DGKH: variants seen among roughly 807,000 people sequenced by gnomAD.
The protein encoded by DGKH is diacylglycerol kinase eta, also known as DAG kinase eta.
DGKH carries 90 observed loss-of-function variants against 159.3 expected under a neutral mutation model. The ratio of observed to expected loss-of-function variants is 0.57; its 90% CI spans 0.48 to 0.67. DGKH has a LOEUF of 0.67. Among genes scored for constraint, DGKH ranks in the 30% least tolerant of loss-of-function variants. DGKH has a pLI of 0.00. For missense variants in DGKH, 1,181 were observed against 1,506.1 expected, an observed-to-expected ratio of 0.78 and a Z score of 3.57; for synonymous variants, 536 against 553.8, an observed-to-expected ratio of 0.97 and a Z score of 0.45.
chr13:42,131,671 T>C (rs1028145271), intron 3 of DGKH, among the ~76,000 whole-genome samples: 4 of 152,202 alleles, frequency 2.6e-5, no homozygotes, highest in Non-Finnish European at 5.9e-5. Flanking sequence ...TTTAGTAATG[T>C]TGTTACTCGC....
downstream of DGKH, among the ~76,000 whole-genome samples, chr13:42,245,550 A>G (rs553835195): frequency 6.6e-6 from 1 of 152,282 alleles, no homozygotes; most frequent in East Asian, 1.9e-4. Context: ...TAAGTTGGTT[A>G]TCCACACCCT....
chr13:42,220,253 A>G (rs1042318094), intron 28 of DGKH, among the ~76,000 whole-genome samples: 1 of 152,122 alleles, frequency 6.6e-6, no homozygotes, highest in African/African-American at 2.4e-5. Context: ...TGCCGATTAC[A>G]TTTTCCACCT....
intron 13 of DGKH, among the ~76,000 whole-genome samples, chr13:42,182,735 T>G (rs1956804027): frequency 1.3e-5 from 2 of 152,044 alleles, no homozygotes; most frequent in South Asian, 4.1e-4. Context: ...TAACTGTATG[T>G]GTGTGTGTGT....
intron 5 of DGKH, among the ~76,000 whole-genome samples, chr13:42,157,844 C>T (rs1421787851): frequency 6.6e-6 from 1 of 152,176 alleles, no homozygotes; most frequent in Non-Finnish European, 1.5e-5. Flanking sequence ...CAACCTCTGC[C>T]TTCCTGGGCT....
intron 16 of DGKH, among the ~76,000 whole-genome samples, chr13:42,192,562 C>T (rs1279256221): frequency 2.1e-5 from 3 of 143,630 alleles, no homozygotes; most frequent in Non-Finnish European, 4.5e-5. Flanking sequence ...CTCCTCCCTT[C>T]CTCCTCCTCC....
At chr13:42,047,173 T>G (rs1200926952), upstream of DGKH, among the ~76,000 whole-genome samples, 2 of 152,260 alleles carry the variant, frequency 1.3e-5, no homozygotes, top group East Asian at 3.8e-4. Flanking sequence ...AGCAGTCTCC[T>G]GTCTTTAAAT....
intron 1 of DGKH, among the ~76,000 whole-genome samples, chr13:42,073,337 T>C (rs534495631): frequency 6.6e-6 from 1 of 152,298 alleles, no homozygotes; most frequent in African/African-American, 2.4e-5. Flanking sequence ...TTTCTTATAG[T>C]GGGGGAGACA....
intron 1 of DGKH, among the ~76,000 whole-genome samples, chr13:42,105,580 G>A (rs1039791015): frequency 6.6e-6 from 1 of 152,134 alleles, no homozygotes; most frequent in Admixed American, 6.5e-5. Context: ...CTTTGATGTG[G>A]ACTTCTGCTT....
intron 21 of DGKH, among the ~76,000 whole-genome samples, chr13:42,207,141 CCT>C (rs1566192711): frequency 0.021 from 929 of 44,268 alleles, 69 homozygotes; most frequent in South Asian, 0.039. Flanking sequence ...TTCCTTCCTT[CCT>C]TCCTTCCTTC....
chr13:42,110,055 A>T (rs1954833005), intron 1 of DGKH, among the ~76,000 whole-genome samples: 1 of 152,194 alleles, frequency 6.6e-6, no homozygotes, highest in African/African-American at 2.4e-5. Context: ...GGACTCAGAT[A>T]TTCTTTGGGG....
chr13:42,160,022 TCA>T lies in DGKH; in HGVS notation c.743_744del (p.His248ProfsTer4), dbSNP rs762675726. On this transcript the variant is annotated frameshift_variant, in exon 7 of 30. Coordinates refer to ENST00000337343, the MANE Select transcript of DGKH (RefSeq NM_178009.5). LOFTEE classifies it high-confidence loss of function. ...IEDEDGVAMP[H>X]QWLEGNLPVS... ...TTCCTTCTCCACAGGTCGCGATGCC[TCA>T]CCAGTGGCTTGAGGGCAACCTGCCT... 1 of 1,614,218 alleles carries T rather than the reference TCA, an allele frequency of 6.2e-7. No individual in the cohort carries two copies. The highest frequency in any genetic ancestry group is 1.1e-5 in the South Asian group (1 of 91,080).
At chr13:42,169,396 C>T (rs1403824877) in intron 11 of DGKH, among the ~76,000 whole-genome samples, 3 of 152,164 alleles carry the variant, frequency 2.0e-5, no homozygotes, top group African/African-American at 7.2e-5. Flanking sequence ...TTCTTGATCA[C>T]ATCTCTTAAT....
At chr13:42,155,435 A>G in intron 4 of DGKH, 40 bp downstream of exon 4, 1 of 1,580,902 alleles carries the variant, frequency 6.3e-7, no homozygotes, top group South Asian at 1.1e-5. Context: ...GTTCTTAGGA[A>G]ATAAATGTTA....
chr13:42,168,533 C>A lies in DGKH; in HGVS notation c.1212C>A (p.Leu404=), dbSNP rs775631455. 6.2e-7 allele frequency: 1 copy of A among 1,614,092 alleles called. No individual in the cohort carries two copies. The highest frequency in any genetic ancestry group is 1.7e-5 in the Admixed American group (1 of 60,020). Residue 404 remains leucine, a synonymous_variant, in exon 10 of 30, where the codon CTC becomes CTA. Coordinates refer to ENST00000337343, the MANE Select transcript of DGKH (RefSeq NM_178009.5). ...VGWVLSEIDK[L]NLNKQCQLGV... is the part of the protein sequence containing the mutation. ...GGGTTTTGTCAGAAATCGATAAGCT[C>A]AACTTGAATAAACAGGCAAGTGCTA...
At chr13:42,132,116 A>G (rs1955301798) in intron 3 of DGKH, among the ~76,000 whole-genome samples, 1 of 152,082 alleles carries the variant, frequency 6.6e-6, no homozygotes, top group Non-Finnish European at 1.5e-5. Context: ...CCCAATCAAC[A>G]TTTATTTGTT....
chr13:42,111,399 G>A (rs1436755368), intron 1 of DGKH, among the ~76,000 whole-genome samples: 3 of 152,166 alleles, frequency 2.0e-5, no homozygotes, highest in Non-Finnish European at 4.4e-5. Context: ...CGGCAACATG[G>A]TGAAACCCCG....
upstream of DGKH, among the ~76,000 whole-genome samples, chr13:42,044,835 T>G (rs527825324): frequency 5.3e-5 from 8 of 152,298 alleles, no homozygotes; most frequent in East Asian, 1.3e-3. Flanking sequence ...AAATTTCTAA[T>G]CAATTAAAAA....
rs76255209 is a variant in DGKH at position 42,200,109 on chromosome 13, A to G, written c.2493+200A>G. On this transcript the variant is annotated intron_variant, in intron 20 of 29. Transcript: ENST00000337343. The stretch of plus-strand genomic sequence containing the variant: ...GACACACTTAATTATCATCATCATT[A>G]TCTCCTGAAATTGGGGCTACTCTGG... Among the ~76,000 whole-genome samples, 546 of 152,294 alleles carry G rather than the reference A, an allele frequency of 3.6e-3. 8 individuals are homozygous for G. The East Asian group carries it at 0.049, about 14-fold the overall frequency.
rs148615882 is a variant in DGKH at position 42,105,251 on chromosome 13, C to CAG, written c.193-22195_193-22194dup. ...TGAAGGCAGAAGGGCAAGAGAGGGCCAGAGAGAGAGAGAGAGAGGAAATGA... is the reference window on the plus strand; with the variant it reads ...TGAAGGCAGAAGGGCAAGAGAGGGCCAGAGAGAGAGAGAGAGAGAGGAAATGA... On this transcript the variant is annotated intron_variant, in intron 1 of 29. Transcript: ENST00000337343. 7.6e-4 allele frequency among the ~76,000 whole-genome samples: 114 copies of CAG among 149,210 alleles called. 1 individual carries two copies. The South Asian group carries it at 0.011, about 14-fold the overall frequency.
Sources: gnomAD v4.1 joint callset for allele counts (sites outside exome capture counted in the v4.1 genomes callset) on GRCh38, gnomAD v4.1.1 for gene constraint, MANE v1.5 for transcripts, NCBI Gene and HGNC (gene_info 2026-07-23, HGNC 2026-07-21) for gene names.